KLK14: variants seen among roughly 807,000 people sequenced by gnomAD.
The protein encoded by KLK14 is kallikrein related peptidase 14.
In KLK14, 21 loss-of-function variants were observed where a neutral mutation model predicts 24.6. That is an observed-to-expected ratio of 0.85 (90% CI 0.61 to 1.23). KLK14 has a LOEUF of 1.23. Ranked by LOEUF, KLK14 falls within the 50% of genes most tolerant of loss-of-function variation. The pLI, the probability that KLK14 is intolerant of heterozygous loss-of-function variation, is 0.00. For synonymous variants in KLK14, 133 were observed against 139.7 expected (o/e 0.95, Z 0.34); for missense variants, 320 against 338.9 (o/e 0.94, Z 0.44).
At chr19:51,081,765 T>C (rs893844493) in intron 2 of KLK14, 62 bp from the exon 3 acceptor site, 6 of 1,395,232 alleles carry the variant, frequency 4.3e-6, no homozygotes, top group African/African-American at 1.5e-5. Context: ...CTCCACAAGT[T>C]TGTAGGATTC....
In KLK14 at chr19:51,077,932, G is replaced by T; in HGVS notation, c.*75C>A. Reference sequence around the variant, plus strand: ...TGGGTCTGAGGGAGGAGGGGCTGGGGCCTGGACTCCTGGGTCCTGAGTAGA... The same window carrying T: ...TGGGTCTGAGGGAGGAGGGGCTGGGTCCTGGACTCCTGGGTCCTGAGTAGA... On this transcript the variant is annotated 3_prime_UTR_variant, in exon 6 of 6. Transcript: ENST00000650543. The T allele has an allele frequency of 6.4e-7, 1 of 1,559,820 alleles. No homozygotes were observed. The highest frequency in any genetic ancestry group is 8.7e-7 in the Non-Finnish European group (1 of 1,144,258).
chr19:51,082,886 T>C lies in KLK14; in HGVS notation c.-187A>G. On this transcript the variant is annotated 5_prime_UTR_variant, in exon 1 of 6. Coordinates refer to ENST00000650543, the MANE Select transcript of KLK14 (RefSeq NM_001369775.2). ...ATGAAGGAAGGAGGGGAGGTGTCTC[T>C]CTTCCTAGTCACACTGGCAAAGCCT... is the stretch of plus-strand genomic sequence containing the variant. The C allele has an allele frequency of 1.1e-6, 1 of 929,608 alleles. No homozygotes were observed. Among genetic ancestry groups the C allele is most frequent in the Non-Finnish European group, 1.6e-6 (1 of 608,050 alleles). The allele number at this position is 929,608 out of a possible 1,614,324, so 57.6% of individuals were successfully genotyped here.
downstream of KLK14, chr19:51,077,806 G>A (rs12985177): frequency 9.9e-6 from 4 of 404,522 alleles, no homozygotes; most frequent in Admixed American, 4.3e-5. Context: ...CCGGGTCTGA[G>A]GGAGGAGGGG....
rs1599795755 is a variant in KLK14, at chr19:51,078,308, A to C, written c.604-149T>G. On this transcript the variant is annotated intron_variant, in intron 5 of 5. Coordinates refer to ENST00000650543, the MANE Select transcript of KLK14 (RefSeq NM_001369775.2). This position sits in a 1 kb window ranked among gnomAD's most constrained non-coding sequence, Gnocchi z 5.0. ...AGTCCTGCCCCAGCTCTGAGGTCTC[A>C]GCCCCGGAGGTCGGGGCACTTCCTT... 1.2e-6 allele frequency: 1 copy of C among 860,220 alleles called. No homozygotes were observed. Among genetic ancestry groups the C allele is most frequent in the Non-Finnish European group, 1.8e-6 (1 of 570,570 alleles). The allele number at this position is 860,220 out of a possible 1,614,324, so 53.3% of individuals were successfully genotyped here.
At chr19:51,081,747 A>C in intron 2 of KLK14, 44 bp from the exon 3 acceptor site, 2 of 1,435,912 alleles carry the variant, frequency 1.4e-6, no homozygotes, top group Non-Finnish European at 1.9e-6. Context: ...ATGAGCAAAC[A>C]CTCTCCACTC....
At chr19:51,080,145 T>C (rs1049813814) in intron 3 of KLK14, among the ~76,000 whole-genome samples, 2 of 152,200 alleles carry the variant, frequency 1.3e-5, no homozygotes, top group Non-Finnish European at 2.9e-5. Context: ...ATCAGGATTC[T>C]AGATCGAACC....
chr19:51,079,259 G>T (rs943765360), intron 4 of KLK14, among the ~76,000 whole-genome samples, 190 bp downstream of exon 4: 7 of 147,270 alleles, frequency 4.8e-5, no homozygotes, highest in African/African-American at 1.8e-4. Flanking sequence ...AGACGTATGA[G>T]TCCAGGCCCA....
upstream of KLK14, chr19:51,082,976 T>G: frequency 1.7e-6 from 1 of 596,904 alleles, no homozygotes; most frequent in Non-Finnish European, 3.0e-6. Flanking sequence ...TGACATTTTT[T>G]TTTTTTTATT....
chr19:51,082,075 C>G (rs2091843386), intron 2 of KLK14, among the ~76,000 whole-genome samples: 1 of 151,950 alleles, frequency 6.6e-6, no homozygotes, highest in Admixed American at 6.6e-5. Flanking sequence ...CAAGGACCTC[C>G]CTGTCTCCTC....
chr19:51,080,183 T>TTTA (rs970160719), intron 3 of KLK14, among the ~76,000 whole-genome samples: 20 of 70,280 alleles, frequency 2.8e-4, no homozygotes, highest in African/African-American at 1.5e-3. Flanking sequence ...TATTTATTTA[T>TTTA]TTTTTTTTTG....
chr19:51,077,939 C>T lies in KLK14; in HGVS notation c.*68G>A. 6.3e-7 allele frequency: 1 copy of T among 1,577,452 alleles called. No individual in the cohort carries two copies. The highest frequency in any genetic ancestry group is 1.4e-5 in the African/African-American group (1 of 73,846). On this transcript the variant is annotated 3_prime_UTR_variant, in exon 6 of 6. Coordinates refer to ENST00000650543, the MANE Select transcript of KLK14 (RefSeq NM_001369775.2). The stretch of plus-strand genomic sequence containing the variant: ...GAGGGAGGAGGGGCTGGGGCCTGGA[C>T]TCCTGGGTCCTGAGTAGAGAGAGGA...
intron 3 of KLK14, 105 bp from the exon 4 acceptor site, chr19:51,079,807 C>T: frequency 6.9e-7 from 1 of 1,451,756 alleles, no homozygotes; most frequent in Non-Finnish European, 9.1e-7. Context: ...TCCCCGAGGT[C>T]TAGCCTGCTT....
intron 4 of KLK14, among the ~76,000 whole-genome samples, chr19:51,079,208 CCTT>C (rs749627910): frequency 2.1e-4 from 32 of 151,178 alleles, no homozygotes; most frequent in Non-Finnish European, 3.5e-4. Context: ...AGCCCCTCCT[CCTT>C]GAGACCCAGG....
chr19:51,078,235 G>A lies in KLK14; in HGVS notation c.604-76C>T. 6.8e-7 allele frequency: 1 copy of A among 1,471,782 alleles called. No individual in the cohort carries two copies. The highest frequency in any genetic ancestry group is 9.3e-7 in the Non-Finnish European group (1 of 1,077,936). 91.2% of individuals were successfully genotyped at this position (1,471,782 alleles called of 1,614,324 possible). On this transcript the variant is annotated intron_variant, in intron 5 of 5. Transcript: ENST00000650543. The surrounding 1 kb of genome is among the most constrained non-coding windows in gnomAD (Gnocchi z 5.0). ...CACCATGGCACAGAGAACCCGAGAA[G>A]CAGACACAGGGAGACAGGCAGAGAC...
chr19:51,079,566 G>C lies in KLK14; in HGVS notation c.349C>G (p.Leu117Val). The change falls in exon 4 of 6, where the codon CTA (leucine) becomes GTA (valine). Residue 117 changes from leucine (L) to valine (V), a missense_variant. Coordinates refer to ENST00000650543, the MANE Select transcript of KLK14 (RefSeq NM_001369775.2). ...CTCCCGATCCGTGCGGGCTGCTGTA[G>C]CTGCAGCAGCATGAGGTCGTTGTCG... Reference protein sequence around the residue: ...THDNDLMLLQLQQPARIGRAV... With the variant: ...THDNDLMLLQVQQPARIGRAV... The C allele has an allele frequency of 6.2e-7, 1 of 1,614,026 alleles. No individual in the cohort carries two copies. Among genetic ancestry groups the C allele is most frequent in the Non-Finnish European group, 8.5e-7 (1 of 1,180,010 alleles).
chr19:51,081,439 G>C, intron 3 of KLK14, 93 bp downstream of exon 3: 1 of 1,180,462 alleles, frequency 8.5e-7, no homozygotes, highest in Non-Finnish European at 1.1e-6. Context: ...CACTACATTG[G>C]GTTCTATACA....
upstream of KLK14, chr19:51,082,993 T>A (rs549193396): frequency 7.7e-4 from 440 of 573,228 alleles, 3 homozygotes; most frequent in South Asian, 4.8e-3. Context: ...TATTGCCTAG[T>A]TCCCATTCCA....
intron 3 of KLK14, among the ~76,000 whole-genome samples, 174 bp from the exon 4 acceptor site, chr19:51,079,876 A>T (rs192875458): frequency 6.6e-6 from 1 of 152,194 alleles, no homozygotes; most frequent in Non-Finnish European, 1.5e-5. Context: ...TGGCCAGGGC[A>T]TTCTCTCGGC....
In KLK14 at chr19:51,077,903, C is replaced by CAGGA. The variant is rs2091812625; in HGVS notation, c.*103_*104insTCCT. The stretch of plus-strand genomic sequence containing the variant: ...AGGGAGGAGGGGCTGGGGGCCTGGA[C>CAGGA]TCCTGGGTCTGAGGGAGGAGGGGCT... On this transcript the variant is annotated 3_prime_UTR_variant, in exon 6 of 6. Coordinates refer to ENST00000650543, the MANE Select transcript of KLK14 (RefSeq NM_001369775.2). 1 of 1,381,070 alleles carries CAGGA rather than the reference C, an allele frequency of 7.2e-7. No individual in the cohort carries two copies. Among genetic ancestry groups the CAGGA allele is most frequent in the Non-Finnish European group, 9.8e-7 (1 of 1,016,960 alleles). 85.6% of individuals were successfully genotyped at this position (1,381,070 alleles called of 1,614,324 possible).
Sources: gnomAD v4.1 joint callset for allele counts (sites outside exome capture counted in the v4.1 genomes callset) on GRCh38, gnomAD v4.1.1 for gene constraint, Gnocchi (gnomAD v3.1) non-coding constraint, MANE v1.5 for transcripts, NCBI Gene and HGNC (gene_info 2026-07-23, HGNC 2026-07-21) for gene names.